The following PPP6R2 variants were observed in gnomAD, a reference collection of about 807,000 sequenced individuals.
PPP6R2 encodes the protein protein phosphatase 6 regulatory subunit 2.
PPP6R2 carries 62 observed loss-of-function variants against 100.2 expected under a neutral mutation model. The ratio of observed to expected loss-of-function variants is 0.62; its 90% CI spans 0.50 to 0.76. The LOEUF (loss-of-function observed/expected upper bound fraction) is 0.76, where lower values mean the gene tolerates loss of function less well. Among genes scored for constraint, PPP6R2 ranks in the 30% least tolerant of loss-of-function variants. The pLI, the probability that PPP6R2 is intolerant of heterozygous loss-of-function variation, is 0.00. For synonymous variants in PPP6R2, 525 were observed against 514.7 expected (o/e 1.02, Z -0.27); for missense variants, 1,142 against 1,276.3 (o/e 0.89, Z 1.60).
chr22:50,438,513 C>A, intron 18 of PPP6R2, 86 bp from the exon 19 acceptor site: 2 of 1,515,542 alleles, frequency 1.3e-6, no homozygotes, highest in Admixed American at 1.8e-5. Flanking sequence ...TGCTCACCCT[C>A]AGCCCCGAGC....
chr22:50,340,220 GT>G (rs2042356922), upstream of PPP6R2, among the ~76,000 whole-genome samples: 1 of 89,384 alleles, frequency 1.1e-5, no homozygotes, highest in East Asian at 2.8e-4. Context: ...GTGGTATGTG[GT>G]GTGTATGGTA....
At chr22:50,427,375 A>G (rs1046447418) in intron 10 of PPP6R2, among the ~76,000 whole-genome samples, 2 of 152,176 alleles carry the variant, frequency 1.3e-5, no homozygotes, top group Admixed American at 6.5e-5. Context: ...TTGGCTATTC[A>G]AAGTCATCCC....
rs1023906872 is a variant in PPP6R2 at position 50,393,645 on chromosome 22, T to C, written c.-16-248T>C. The C allele has an allele frequency of 1.2e-5, 11 of 953,432 alleles. No individual in the cohort carries two copies. In the African/African-American group the frequency reaches 1.9e-4, roughly 17 times the overall value. The allele number at this position is 953,432 out of a possible 1,614,324, so 59.1% of individuals were successfully genotyped here. A position where few individuals can be genotyped will look rare whatever the true frequency, so the allele number is the denominator to read the frequency against. ...TCAGAGCTGTTGAGCAGCTGGGAAG[T>C]CTGCTAACTTTGTGAGCCCAACCTG... On this transcript the variant is annotated intron_variant, in intron 2 of 23. Transcript: ENST00000612753.
intron 2 of PPP6R2, among the ~76,000 whole-genome samples, chr22:50,372,622 T>C (rs2050481383): frequency 6.6e-6 from 1 of 152,162 alleles, no homozygotes; most frequent in Admixed American, 6.6e-5. Flanking sequence ...TTGATCCTCC[T>C]GTGTCTGGTT....
rs373013275 is a variant in PPP6R2 at position 50,414,093 on chromosome 22, T to A, written c.415-459T>A. Among the ~76,000 whole-genome samples, 7 of 152,202 alleles carry A rather than the reference T, an allele frequency of 4.6e-5. No individual in the cohort carries two copies. In the East Asian group the frequency reaches 1.2e-3, roughly 25 times the overall value. On this transcript the variant is annotated intron_variant, in intron 4 of 23. Transcript: ENST00000612753. Reference sequence around the variant, plus strand: ...GTCTTCTTTCCCCTTCAACCGCTCATGGGTTTTGGTCAGCAGCTGGCGTCT... The same window carrying A: ...GTCTTCTTTCCCCTTCAACCGCTCAAGGGTTTTGGTCAGCAGCTGGCGTCT...
chr22:50,367,836 G>C (rs1171938581), intron 1 of PPP6R2, among the ~76,000 whole-genome samples: 1 of 152,144 alleles, frequency 6.6e-6, no homozygotes, highest in African/African-American at 2.4e-5. Flanking sequence ...AGAAAAGACA[G>C]TTGGGCCTGG....
chr22:50,349,642 A>G (rs1024428042), intron 1 of PPP6R2, among the ~76,000 whole-genome samples: 1 of 152,098 alleles, frequency 6.6e-6, no homozygotes, highest in African/African-American at 2.4e-5. Flanking sequence ...CCTGGCCAAC[A>G]TGGTGAAACC....
chr22:50,390,215 C>G (rs2055177182), intron 2 of PPP6R2, among the ~76,000 whole-genome samples: 1 of 152,030 alleles, frequency 6.6e-6, no homozygotes, highest in South Asian at 2.1e-4. Context: ...TGGTCTCAAA[C>G]TCCTGACCTC....
At chr22:50,337,725 TGTG>T in the PPP6R2 span, among the ~76,000 whole-genome samples, 1 of 144,060 alleles carries the variant, frequency 6.9e-6, no homozygotes, top group Non-Finnish European at 1.5e-5. Context: ...ATGTGTACTG[TGTG>T]GTATGTAGTG....
intron 2 of PPP6R2, among the ~76,000 whole-genome samples, chr22:50,374,241 G>A (rs543275873): frequency 7.2e-5 from 11 of 152,206 alleles, no homozygotes; most frequent in South Asian, 2.1e-4. Context: ...CCAGCTGGGC[G>A]GATGGATGGC....
chr22:50,353,983 T>C (rs1430242808), intron 1 of PPP6R2, among the ~76,000 whole-genome samples: 1 of 152,204 alleles, frequency 6.6e-6, no homozygotes, highest in Non-Finnish European at 1.5e-5. Flanking sequence ...TGTTCTTGTT[T>C]ATGTTCCAAT....
intron 10 of PPP6R2, among the ~76,000 whole-genome samples, chr22:50,429,854 A>T (rs1009003267): frequency 2.0e-5 from 3 of 152,208 alleles, no homozygotes; most frequent in South Asian, 4.1e-4. Flanking sequence ...AAGGTTGCTC[A>T]AGGTCACATG....
In PPP6R2 at chr22:50,444,547, G is replaced by T. The variant is rs975244653; in HGVS notation, c.*300G>T. On this transcript the variant is annotated 3_prime_UTR_variant, in exon 24 of 24. Coordinates refer to ENST00000612753, the MANE Select transcript of PPP6R2 (RefSeq NM_001242898.2). ...GCCGGGGTGGGGGTGGGGGTGGGGG[G>T]GGCAGGACCCTGAGATGCCACCAGG... 4 of 367,404 alleles carry T rather than the reference G, an allele frequency of 1.1e-5. No homozygotes were observed. The highest frequency in any genetic ancestry group is 1.5e-5 in the Non-Finnish European group (3 of 205,350). The allele number at this position is 367,404 out of a possible 1,614,324, so 22.8% of individuals were successfully genotyped here. A position where few individuals can be genotyped will look rare whatever the true frequency, so the allele number is the denominator to read the frequency against.
intron 1 of PPP6R2, among the ~76,000 whole-genome samples, chr22:50,352,457 C>T (rs1334034387): frequency 1.3e-5 from 2 of 152,066 alleles, no homozygotes; most frequent in East Asian, 1.9e-4. Flanking sequence ...GCATTGGGTG[C>T]GGTGTCTGAC....
chr22:50,333,425 CT>C, the PPP6R2 span, among the ~76,000 whole-genome samples: 4 of 151,952 alleles, frequency 2.6e-5, no homozygotes, highest in Non-Finnish European at 5.9e-5. Context: ...CAAGCTCCGC[CT>C]CCCGGGTTCA....
At chr22:50,405,059 G>A (rs953191689) in intron 3 of PPP6R2, among the ~76,000 whole-genome samples, 3 of 152,360 alleles carry the variant, frequency 2.0e-5, no homozygotes, top group Non-Finnish European at 2.9e-5. Context: ...ACGTTCTTGC[G>A]TAGTGCCTCA....
At chr22:50,385,814 CTTTT>C (rs1192671164) in intron 2 of PPP6R2, among the ~76,000 whole-genome samples, 1 of 75,398 alleles carries the variant, frequency 1.3e-5, no homozygotes. Flanking sequence ...CCGCGCCCAG[CTTTT>C]TTTTTTTTTT....
intron 17 of PPP6R2, 47 bp downstream of exon 17, chr22:50,437,947 A>G: frequency 6.4e-7 from 1 of 1,564,900 alleles, no homozygotes; most frequent in Non-Finnish European, 8.7e-7. Flanking sequence ...TTTCCCAGGC[A>G]GCTCAGGCCA....
At chr22:50,389,198 T>G (rs1219598383) in intron 2 of PPP6R2, 2 of 152,224 alleles carry the variant, frequency 1.3e-5, no homozygotes, top group East Asian at 3.9e-4. Context: ...AGAGGAGTCC[T>G]TAAGCTCTGT....
Sources: allele counts gnomAD v4.1 joint callset (sites outside exome capture counted in the v4.1 genomes callset), GRCh38; gene constraint gnomAD v4.1.1; transcripts MANE v1.5; gene names NCBI Gene and HGNC (gene_info 2026-07-23, HGNC 2026-07-21).